Variants in PPM1M observed in about 807,000 individuals in gnomAD.
PPM1M encodes the protein protein phosphatase, Mg2+/Mn2+ dependent 1M, also known as protein phosphatase 1M.
PPM1M carries 44 observed loss-of-function variants against 50.8 expected under a neutral mutation model. The observed-to-expected ratio is 0.87, with a 90% CI of 0.68 to 1.11. The LOEUF is 1.11. PPM1M is among the 50% of genes most tolerant of loss of function. The probability of loss-of-function intolerance (pLI) is 0.00; values close to 1 mark genes in which losing one functional copy is unlikely to be tolerated. For synonymous variants in PPM1M, 224 were observed against 242.9 expected, an observed-to-expected ratio of 0.92 and a Z score of 0.72; for missense variants, 556 against 593.4, an observed-to-expected ratio of 0.94 and a Z score of 0.66.
chr3:52,247,723 GGGCGGCTGCACAGCCCT>G lies in PPM1M; in HGVS notation c.642_658del (p.Thr217ValfsTer14), dbSNP rs1466611627. 1 of 1,607,740 alleles carries G rather than the reference GGGCGGCTGCACAGCCCT, an allele frequency of 6.2e-7. No individual in the cohort carries two copies. The highest frequency in any genetic ancestry group is 8.5e-7 in the Non-Finnish European group (1 of 1,177,234). Reference sequence around the variant, plus strand: ...GGGAGCTGGAGGCCTCAGGCCAGATGGGCGGCTGCACAGCCCTGGTGGCTGTGTCCCTGCAGGGAAAG... The same window carrying G: ...GGGAGCTGGAGGCCTCAGGCCAGATGGGTGGCTGTGTCCCTGCAGGGAAAG... On this transcript the variant is annotated frameshift_variant, in exon 4 of 10. Coordinates refer to ENST00000323588, the MANE Select transcript of PPM1M (RefSeq NM_144641.4). LOFTEE classifies it high-confidence loss of function.
intron 4 of PPM1M, 100 bp downstream of exon 4, chr3:52,247,894 G>A: frequency 1.2e-6 from 1 of 819,124 alleles, no homozygotes; most frequent in South Asian, 1.5e-5. Context: ...ATAGTAGGAA[G>A]GATTGACTGG....
chr3:52,246,703 A>T lies in PPM1M; in HGVS notation c.233A>T (p.Asn78Ile). 1 of 1,307,860 alleles carries T rather than the reference A, an allele frequency of 7.6e-7. No individual in the cohort carries two copies. Among genetic ancestry groups the T allele is most frequent in the Non-Finnish European group, 1.0e-6 (1 of 991,278 alleles). 81.0% of individuals were successfully genotyped at this position (1,307,860 alleles called of 1,614,324 possible). The stretch of plus-strand genomic sequence containing the variant: ...CCATTTCCCGGCCTCAGGATTATCA[A>T]TGCAGAGAAATCTGAATTCAATGAG... ...PWNAGYAEIINAEKSEFNEDQ... is the reference protein window; with the variant it reads ...PWNAGYAEIIIAEKSEFNEDQ... Residue 78 changes from asparagine (N) to isoleucine (I), a missense_variant, in exon 2 of 10, where the codon AAT (asparagine) becomes ATT (isoleucine). Transcript: ENST00000323588.
rs542549433 is a variant in PPM1M, at chr3:52,246,763, G to A, written c.293G>A (p.Arg98Lys). ...GCCTGTGGGAAGCTGTGCATCCGGAGATGTGAGTTTGGGGCTGAAGAAGAG... is the reference window on the plus strand; with the variant it reads ...GCCTGTGGGAAGCTGTGCATCCGGAAATGTGAGTTTGGGGCTGAAGAAGAG... ...QAACGKLCIR[R>K]CEFGAEEEWL... The change falls in exon 2 of 10, where the codon AGA becomes AAA. Residue 98 changes from arginine to lysine, a missense_variant. Transcript: ENST00000323588. The A allele has an allele frequency of 2.2e-6, 3 of 1,345,788 alleles. No homozygotes were observed. The highest frequency in any genetic ancestry group is 9.6e-5 in the East Asian group (2 of 20,864). 83.4% of individuals were successfully genotyped at this position (1,345,788 alleles called of 1,614,324 possible). A position where few individuals can be genotyped will look rare whatever the true frequency, so the allele number is the denominator to read the frequency against.
At chr3:52,248,490 C>T in intron 6 of PPM1M, 37 bp downstream of exon 6, 1 of 1,601,400 alleles carries the variant, frequency 6.2e-7, no homozygotes, top group South Asian at 1.1e-5. Flanking sequence ...AAGGGAGACC[C>T]CTGGGATCCA....
rs1699934817 is a variant in PPM1M at position 52,249,879 on chromosome 3, G to A, written c.*65G>A. 1 of 1,508,720 alleles carries A rather than the reference G, an allele frequency of 6.6e-7. No individual in the cohort carries two copies. Among genetic ancestry groups the A allele is most frequent in the Non-Finnish European group, 9.0e-7 (1 of 1,107,794 alleles). 93.5% of individuals were successfully genotyped at this position (1,508,720 alleles called of 1,614,324 possible). On this transcript the variant is annotated 3_prime_UTR_variant, in exon 10 of 10. Transcript: ENST00000323588. ...GGTGTGGTCTGGGCATCCCTCCAGTGTGACCAAGAGCAAATCCTGCCTGCC... is the reference window on the plus strand; with the variant it reads ...GGTGTGGTCTGGGCATCCCTCCAGTATGACCAAGAGCAAATCCTGCCTGCC...
rs1559448166 is a variant in PPM1M at position 52,248,718 on chromosome 3, C to T, written c.978+18C>T. 1.2e-6 allele frequency: 2 copies of T among 1,612,696 alleles called. No individual in the cohort carries two copies. The highest frequency in any genetic ancestry group is 2.2e-5 in the East Asian group (1 of 44,868). On this transcript the variant is annotated intron_variant, in intron 7 of 9. Coordinates refer to ENST00000323588, the MANE Select transcript of PPM1M (RefSeq NM_144641.4). The stretch of plus-strand genomic sequence containing the variant: ...GTAGGCAGGTCAGTGCCTGGTCCTC[C>T]TCAACCCCAAGAATCCCTCTTCATT...
intron 1 of PPM1M, chr3:52,246,353 C>T (rs1577993848): frequency 9.6e-7 from 1 of 1,046,366 alleles, no homozygotes; most frequent in East Asian, 9.0e-5. Flanking sequence ...GATTTCCCCT[C>T]GCCCTCTACC....
rs1156455435 is a variant in PPM1M, at chr3:52,246,699, A to C, written c.229A>C (p.Ile77Leu). ...LPWNAGYAEI[I>L]NAEKSEFNED... The stretch of plus-strand genomic sequence containing the variant: ...CTTACCATTTCCCGGCCTCAGGATT[A>C]TCAATGCAGAGAAATCTGAATTCAA... Residue 77 changes from isoleucine to leucine, a missense_variant, in exon 2 of 10, where the codon ATC (isoleucine) becomes CTC (leucine). Ile to Leu is a conservative substitution (Grantham distance 5). Coordinates refer to ENST00000323588, the MANE Select transcript of PPM1M (RefSeq NM_144641.4). 1 of 1,306,240 alleles carries C rather than the reference A, an allele frequency of 7.7e-7. No homozygotes were observed. The highest frequency in any genetic ancestry group is 1.5e-5 in the African/African-American group (1 of 65,978). 80.9% of individuals were successfully genotyped at this position (1,306,240 alleles called of 1,614,324 possible).
Position 52,245,761 on chromosome 3 carries a change from T to C in PPM1M, c.-64T>C, listed in dbSNP as rs541081244. On this transcript the variant is annotated 5_prime_UTR_variant, in exon 1 of 10. Coordinates refer to ENST00000323588, the MANE Select transcript of PPM1M (RefSeq NM_144641.4). The surrounding 1 kb of genome is among the most constrained non-coding windows in gnomAD (Gnocchi z 4.8). ...TCGGCTCCGCCCGCGGCCCGCTTCT[T>C]CCTCCCGCGGGCGGCCCAGCCCTAG... The C allele has an allele frequency of 2.4e-6, 2 of 833,302 alleles. No individual in the cohort carries two copies. The highest frequency in any genetic ancestry group is 2.9e-6 in the Non-Finnish European group (2 of 692,584). 51.6% of individuals were successfully genotyped at this position (833,302 alleles called of 1,614,324 possible). A position where few individuals can be genotyped will look rare whatever the true frequency, so the allele number is the denominator to read the frequency against.
chr3:52,248,489 C>A (rs771228759), intron 6 of PPM1M, 36 bp downstream of exon 6: 1 of 1,600,520 alleles, frequency 6.2e-7, no homozygotes, highest in Non-Finnish European at 8.6e-7. Flanking sequence ...GAAGGGAGAC[C>A]CCTGGGATCC....
At position 52,246,677 on chromosome 3, in the gene PPM1M, A is replaced by G. The variant is rs1312185074; in HGVS notation, c.225-18A>G. 1 of 1,296,372 alleles carries G rather than the reference A, an allele frequency of 7.7e-7. No homozygotes were observed. The highest frequency in any genetic ancestry group is 1.0e-6 in the Non-Finnish European group (1 of 981,374). The allele number at this position is 1,296,372 out of a possible 1,614,324, so 80.3% of individuals were successfully genotyped here. On this transcript the variant is annotated intron_variant, in intron 1 of 9. Coordinates refer to ENST00000323588, the MANE Select transcript of PPM1M (RefSeq NM_144641.4). ...TAGGTGTGTCCCTGGAGGGTCGCTT[A>G]CCATTTCCCGGCCTCAGGATTATCA... is the stretch of plus-strand genomic sequence containing the variant.
At position 52,249,072 on chromosome 3, in the gene PPM1M, G is replaced by A. The variant is rs1341505750; in HGVS notation, c.1086+9G>A. 2 of 1,607,828 alleles carry A rather than the reference G, an allele frequency of 1.2e-6. No individual in the cohort carries two copies. The highest frequency in any genetic ancestry group is 1.7e-6 in the Non-Finnish European group (2 of 1,176,964). On this transcript the variant is annotated intron_variant, in intron 8 of 9. Coordinates refer to ENST00000323588, the MANE Select transcript of PPM1M (RefSeq NM_144641.4). ...TGCTCTCTGTGCCACAGGTAAGGGG[G>A]CAACGCTGTCCAACCCAGCTTCCAT... is the stretch of plus-strand genomic sequence containing the variant.
rs755568812 is a variant in PPM1M, at chr3:52,247,787, G to C, written c.703G>C (p.Asp235His). Residue 235 changes from aspartate to histidine, a missense_variant, in exon 4 of 10, where the codon GAT becomes CAT. Asp to His is a moderately conservative substitution (Grantham distance 81). Coordinates refer to ENST00000323588, the MANE Select transcript of PPM1M (RefSeq NM_144641.4). ...QGKLYMANAG[D>H]SRAILVRRDE... ...AAAGCTGTACATGGCCAATGCTGGG[G>C]ATAGCAGGTGAGTCACCCCTTGGAG... 2.0e-6 allele frequency: 2 copies of C among 1,009,608 alleles called. No individual in the cohort carries two copies. Among genetic ancestry groups the C allele is most frequent in the Non-Finnish European group, 2.8e-6 (2 of 706,152 alleles). The allele number at this position is 1,009,608 out of a possible 1,614,324, so 62.5% of individuals were successfully genotyped here. A position where few individuals can be genotyped will look rare whatever the true frequency, so the allele number is the denominator to read the frequency against.
intron 6 of PPM1M, 66 bp downstream of exon 6, chr3:52,248,519 G>A: frequency 3.8e-6 from 6 of 1,590,840 alleles, no homozygotes; most frequent in Non-Finnish European, 5.2e-6. Flanking sequence ...CGTATGGCCT[G>A]GGGCCCCCCT....
At chr3:52,247,549 G>A in intron 3 of PPM1M, 133 bp from the exon 4 acceptor site, 1 of 702,726 alleles carries the variant, frequency 1.4e-6, no homozygotes, top group South Asian at 1.7e-5. Context: ...GATCTTGGAG[G>A]TATGGCTGGA....
chr3:52,249,495 AT>A, intron 9 of PPM1M, 173 bp downstream of exon 9: 1 of 1,259,020 alleles, frequency 7.9e-7, no homozygotes, highest in Non-Finnish European at 1.1e-6. Context: ...AAATCCCTGG[AT>A]TTAGACTCTC....
At chr3:52,246,435 G>A in intron 1 of PPM1M, 1 of 953,796 alleles carries the variant, frequency 1.0e-6, no homozygotes, top group Non-Finnish European at 1.4e-6. Context: ...GACAGGGGCA[G>A]GAATGGCAAC....
In PPM1M at chr3:52,246,054, T is replaced by C; in HGVS notation, c.224+6T>C. On this transcript the variant is annotated splice_donor_region_variant and intron_variant, in intron 1 of 9. Coordinates refer to ENST00000323588, the MANE Select transcript of PPM1M (RefSeq NM_144641.4). ...TGGAATGCAGGCTACGCCGAGTGAG[T>C]GCCCCTCCCCGACCCCCAGCTCAGG... 8.9e-7 allele frequency: 1 copy of C among 1,123,400 alleles called. No individual in the cohort carries two copies. Among genetic ancestry groups the C allele is most frequent in the Non-Finnish European group, 1.1e-6 (1 of 899,918 alleles). 69.6% of individuals were successfully genotyped at this position (1,123,400 alleles called of 1,614,324 possible).
Position 52,249,662 on chromosome 3 carries a change from C to T in PPM1M, c.1236-8C>T, listed in dbSNP as rs990974834. ...CCCTGAAGTCTATCTGCAGGATGGT[C>T]TTCACAGGTTCTCAAAGCTGGCCCA... On this transcript the variant is annotated splice_region_variant and splice_polypyrimidine_tract_variant and intron_variant, in intron 9 of 9. Coordinates refer to ENST00000323588, the MANE Select transcript of PPM1M (RefSeq NM_144641.4). 2 of 1,613,768 alleles carry T rather than the reference C, an allele frequency of 1.2e-6. No individual in the cohort carries two copies. The highest frequency in any genetic ancestry group is 1.7e-6 in the Non-Finnish European group (2 of 1,179,760).
Sources: allele counts gnomAD v4.1 joint callset, GRCh38; gene constraint gnomAD v4.1.1; non-coding constraint Gnocchi (gnomAD v3.1); transcripts MANE v1.5; gene names NCBI Gene and HGNC (gene_info 2026-07-23, HGNC 2026-07-21).